Variants in PRIM1 observed in about 807,000 individuals in gnomAD.
PRIM1 encodes the protein DNA primase subunit 1.
PRIM1 carries 38 observed loss-of-function variants against 60.2 expected under a neutral mutation model. The ratio of observed to expected loss-of-function variants is 0.63; its 90% confidence interval spans 0.49 to 0.83. The LOEUF is 0.83. PRIM1 is among the 40% of genes least tolerant of loss of function. PRIM1 has a pLI of 0.00. For synonymous variants in PRIM1, 158 were observed against 160.2 expected (o/e 0.99, Z 0.10); for missense variants, 388 against 506.2 (o/e 0.77, Z 2.24).
At chr12:56,741,286 T>C in intron 9 of PRIM1, 149 bp downstream of exon 9, 1 of 812,492 alleles carries the variant, frequency 1.2e-6, no homozygotes, top group Non-Finnish European at 1.8e-6. Flanking sequence ...ATCTGGTAGC[T>C]ACTTAACTGA....
chr12:56,732,402 A>T (rs554216741), intron 12 of PRIM1, among the ~76,000 whole-genome samples: 1 of 152,084 alleles, frequency 6.6e-6, no homozygotes, highest in Admixed American at 6.6e-5. Flanking sequence ...TGGTTCCAGT[A>T]TTTGCACCTT....
In PRIM1 at chr12:56,745,790, T is replaced by G. The variant is rs112307966; in HGVS notation, c.579+255A>C. 2.8e-3 allele frequency among the ~76,000 whole-genome samples: 420 copies of G among 152,002 alleles called. 2 individuals carry two copies. Among genetic ancestry groups the G allele is most frequent in the African/African-American group, 9.9e-3 (409 of 41,450 alleles). On this transcript the variant is annotated intron_variant, in intron 5 of 12. Transcript: ENST00000338193. ...CCAGTCTTTACTAAAAATACAAAAT[T>G]TAGCTGGGCACAGTGGCAGGAGCCT...
intron 1 of PRIM1, 55 bp downstream of exon 1, chr12:56,752,141 C>G: frequency 7.5e-7 from 1 of 1,324,568 alleles, no homozygotes; most frequent in South Asian, 1.3e-5. Flanking sequence ...CTAAGGACAC[C>G]CCGCCTCCAA....
intron 2 of PRIM1, among the ~76,000 whole-genome samples, chr12:56,750,825 T>C (rs1953947020): frequency 6.6e-6 from 1 of 152,146 alleles, no homozygotes; most frequent in Non-Finnish European, 1.5e-5. Context: ...TTTTTTGTCC[T>C]AGTAAAAATG....
chr12:56,738,915 C>A (rs1480392226), intron 10 of PRIM1, among the ~76,000 whole-genome samples: 1 of 152,112 alleles, frequency 6.6e-6, no homozygotes, highest in East Asian at 1.9e-4. Context: ...GCATGTGAAT[C>A]CCATAAAATT....
At chr12:56,739,221 G>T in intron 10 of PRIM1, 73 bp downstream of exon 10, 1 of 1,169,132 alleles carries the variant, frequency 8.6e-7, no homozygotes, top group Non-Finnish European at 1.2e-6. Flanking sequence ...CTTCTCTAAG[G>T]AGGCTAATTC....
intron 12 of PRIM1, among the ~76,000 whole-genome samples, chr12:56,732,090 T>C (rs1005974801): frequency 9.2e-5 from 14 of 152,228 alleles, no homozygotes; most frequent in Non-Finnish European, 1.8e-4. Context: ...ATAATTTGTA[T>C]TGCTATAACA....
intron 5 of PRIM1, among the ~76,000 whole-genome samples, chr12:56,744,613 TAC>T (rs999244290): frequency 6.6e-6 from 1 of 152,204 alleles, no homozygotes; most frequent in African/African-American, 2.4e-5. Flanking sequence ...TACAATTGCC[TAC>T]AGTATTGAGT....
chr12:56,740,092 C>T (rs1470943624), intron 9 of PRIM1, among the ~76,000 whole-genome samples: 9 of 151,592 alleles, frequency 5.9e-5, no homozygotes, highest in South Asian at 2.1e-4. Flanking sequence ...GCCAAGATCG[C>T]GCCACTGTAC....
At chr12:56,750,941 T>G in intron 2 of PRIM1, 97 bp downstream of exon 2, 1 of 876,940 alleles carries the variant, frequency 1.1e-6, no homozygotes, top group South Asian at 3.7e-5. Context: ...TCATCTAGAA[T>G]AAACTCTAAA....
intron 6 of PRIM1, chr12:56,743,785 G>T: frequency 3.3e-6 from 1 of 298,740 alleles, no homozygotes. Context: ...CTAACTTGTC[G>T]TGTGATGCCA....
chr12:56,747,051 G>A lies in PRIM1; in HGVS notation c.262-19C>T. 3 of 1,577,236 alleles carry A rather than the reference G, an allele frequency of 1.9e-6. No homozygotes were observed. Among genetic ancestry groups the A allele is most frequent in the South Asian group, 1.1e-5 (1 of 89,022 alleles). ...GATTGGGCTACAGATACAAAATATT[G>A]ATCAGTTTCTATAAGAGCTGCCACA... is the stretch of plus-strand genomic sequence containing the variant. On this transcript the variant is annotated intron_variant, in intron 2 of 12. Coordinates refer to ENST00000338193, the MANE Select transcript of PRIM1 (RefSeq NM_000946.3).
At chr12:56,745,737 T>C (rs1475806149) in intron 5 of PRIM1, among the ~76,000 whole-genome samples, 2 of 151,950 alleles carry the variant, frequency 1.3e-5, no homozygotes, top group African/African-American at 4.8e-5. Context: ...CTAGGAGTTC[T>C]AGGCCAGCCT....
chr12:56,744,401 G>A (rs1953892802), intron 5 of PRIM1, among the ~76,000 whole-genome samples: 1 of 151,990 alleles, frequency 6.6e-6, no homozygotes, highest in Non-Finnish European at 1.5e-5. Context: ...GCTGAGGCAG[G>A]AGAGTCGCTT....
At chr12:56,749,631 G>A (rs887422404) in intron 2 of PRIM1, among the ~76,000 whole-genome samples, 6 of 152,082 alleles carry the variant, frequency 3.9e-5, no homozygotes, top group Non-Finnish European at 7.4e-5. Flanking sequence ...GATGAGAGAC[G>A]GGTCTGGGAT....
intron 12 of PRIM1, among the ~76,000 whole-genome samples, chr12:56,732,433 T>C (rs927127919): frequency 3.9e-5 from 6 of 152,228 alleles, no homozygotes; most frequent in Non-Finnish European, 8.8e-5. Flanking sequence ...CCAGTGCTAC[T>C]GTTCTAGTGG....
chr12:56,741,630 C>A (rs573227901), intron 8 of PRIM1, 54 bp from the exon 9 acceptor site: 3 of 1,581,504 alleles, frequency 1.9e-6, no homozygotes, highest in East Asian at 4.5e-5. Context: ...TTGAAGATTT[C>A]TTTAAAGAAA....
intron 11 of PRIM1, among the ~76,000 whole-genome samples, chr12:56,737,932 C>T (rs1043701499): frequency 7.3e-5 from 11 of 151,512 alleles, no homozygotes; most frequent in African/African-American, 2.7e-4. Context: ...ACCATGTTGG[C>T]CAGGCTGGTC....
chr12:56,735,656 T>C (rs1269967638), intron 11 of PRIM1, among the ~76,000 whole-genome samples: 2 of 143,786 alleles, frequency 1.4e-5, no homozygotes, highest in Non-Finnish European at 3.1e-5. Flanking sequence ...AGTATTCTTG[T>C]TTTTTTTTTT....
Sources: allele counts gnomAD v4.1 joint callset (sites outside exome capture counted in the v4.1 genomes callset), GRCh38; gene constraint gnomAD v4.1.1; transcripts MANE v1.5; gene names NCBI Gene and HGNC (gene_info 2026-07-23, HGNC 2026-07-21).